Variants in RBFOX1 observed in about 807,000 individuals in gnomAD.
The protein encoded by RBFOX1 is RNA binding protein fox-1 homolog 1.
Under a neutral mutation model 57.7 loss-of-function variants are expected in RBFOX1, and 8 were observed. That is an observed-to-expected ratio of 0.14 (90% confidence interval 0.08 to 0.25). The LOEUF (loss-of-function observed/expected upper bound fraction) is 0.25, where lower values mean the gene tolerates loss of function less well. Ranked by LOEUF, RBFOX1 falls within the 10% of genes least tolerant of loss-of-function variation. The probability of loss-of-function intolerance (pLI) is 1.00; values close to 1 mark genes in which losing one functional copy is unlikely to be tolerated. For missense variants in RBFOX1, 611 were observed against 548.5 expected (o/e 1.11, Z -1.14); for synonymous variants, 326 against 222.4 (o/e 1.47, Z -4.15).
intron 2 of RBFOX1, among the ~76,000 whole-genome samples, chr16:5,517,905 A>G (rs974742170): frequency 4.6e-5 from 7 of 151,346 alleles, no homozygotes; most frequent in African/African-American, 1.5e-4. Context: ...ATATATGTGT[A>G]TATTTATAAA....
intron 4 of RBFOX1, among the ~76,000 whole-genome samples, chr16:7,453,891 G>C (rs557155824): frequency 6.6e-6 from 1 of 152,164 alleles, no homozygotes; most frequent in Non-Finnish European, 1.5e-5. Context: ...AGTTGTCCTC[G>C]CAAAGAAGGA....
At chr16:6,416,105 G>A (rs1468615415) in intron 2 of RBFOX1, among the ~76,000 whole-genome samples, 1 of 152,178 alleles carries the variant, frequency 6.6e-6, no homozygotes, top group Non-Finnish European at 1.5e-5. Context: ...TTATCGTCTT[G>A]TAAGGAGGAA....
intron 3 of RBFOX1, among the ~76,000 whole-genome samples, chr16:7,026,347 C>G (rs377203499): frequency 6.6e-6 from 1 of 152,266 alleles, no homozygotes; most frequent in East Asian, 1.9e-4. Flanking sequence ...ATCCATGATG[C>G]AAGGGTTTTG....
intron 2 of RBFOX1, among the ~76,000 whole-genome samples, chr16:6,597,876 G>C (rs1257485946): frequency 6.6e-6 from 1 of 152,100 alleles, no homozygotes; most frequent in African/African-American, 2.4e-5. Context: ...TGGCCATCTT[G>C]GCACCATGAA....
chr16:5,853,375 G>C (rs759229221), intron 3 of RBFOX1, among the ~76,000 whole-genome samples: 24 of 152,192 alleles, frequency 1.6e-4, no homozygotes, highest in Admixed American at 3.3e-4. Flanking sequence ...AAAGCTTTGT[G>C]AGCGTGTTGG....
chr16:7,196,301 C>A (rs945204017), intron 4 of RBFOX1, among the ~76,000 whole-genome samples: 7 of 152,158 alleles, frequency 4.6e-5, no homozygotes, highest in South Asian at 2.1e-4. Flanking sequence ...TTCACTCTCC[C>A]CTTTCATCCT....
chr16:6,030,179 A>T (rs1418234516), intron 1 of RBFOX1, among the ~76,000 whole-genome samples: 2 of 152,208 alleles, frequency 1.3e-5, no homozygotes, highest in African/African-American at 2.4e-5. Context: ...CTTCCCTTAC[A>T]AAGTGCTGGG....
intron 3 of RBFOX1, among the ~76,000 whole-genome samples, chr16:6,844,557 C>G (rs574626191): frequency 2.8e-4 from 42 of 151,902 alleles, no homozygotes; most frequent in African/African-American, 9.2e-4. Flanking sequence ...TGTATATGTA[C>G]GACTTTTTTT....
chr16:7,261,727 A>C (rs2094926971), intron 4 of RBFOX1, among the ~76,000 whole-genome samples: 2 of 152,206 alleles, frequency 1.3e-5, no homozygotes, highest in South Asian at 4.1e-4. Context: ...CATGATAATA[A>C]TAGTATCTAC....
intron 4 of RBFOX1, among the ~76,000 whole-genome samples, chr16:7,169,392 T>A (rs1401439632): frequency 6.6e-6 from 1 of 152,176 alleles, no homozygotes; most frequent in African/African-American, 2.4e-5. Context: ...GGCCAGGGGT[T>A]GGGGGATCCA....
chr16:7,515,714 A>G (rs1041823421), intron 4 of RBFOX1, among the ~76,000 whole-genome samples: 2 of 152,222 alleles, frequency 1.3e-5, no homozygotes, highest in African/African-American at 4.8e-5. Flanking sequence ...GTAAAGCTGG[A>G]TTCAACACTT....
rs573748834 is a variant in RBFOX1, at chr16:6,632,490, G to C, written c.-63-22113G>C. 1.4e-4 allele frequency among the ~76,000 whole-genome samples: 21 copies of C among 152,302 alleles called. No homozygotes were observed. In the East Asian group the frequency reaches 3.9e-3, roughly 28 times the overall value. On this transcript the variant is annotated intron_variant, in intron 2 of 15. Coordinates refer to ENST00000550418, the MANE Select transcript of RBFOX1 (RefSeq NM_018723.4). ...ACAGTATTTCCTTGGCTAAGTGTCT[G>C]TGGCTGTTATCCATGTGCAGAATAA...
At chr16:5,272,324 G>C (rs1446816318) in intron 1 of RBFOX1, among the ~76,000 whole-genome samples, 1 of 152,130 alleles carries the variant, frequency 6.6e-6, no homozygotes, top group Non-Finnish European at 1.5e-5. Flanking sequence ...TCACATAAAT[G>C]TGTACAATTA....
intron 4 of RBFOX1, among the ~76,000 whole-genome samples, chr16:5,891,603 G>C (rs984372614): frequency 6.6e-6 from 1 of 152,126 alleles, no homozygotes; most frequent in Admixed American, 6.5e-5. Flanking sequence ...GTTCCTTCTA[G>C]TCTACAGCTG....
chr16:5,422,475 AAGG>A lies in RBFOX1; in HGVS notation c.220-44734_220-44732del, dbSNP rs745968797. 8.6e-5 allele frequency among the ~76,000 whole-genome samples: 9 copies of A among 104,810 alleles called. No individual in the cohort carries two copies. The East Asian group carries it at 1.1e-3, about 12-fold the overall frequency. 68.8% of individuals were successfully genotyped at this position (104,810 alleles called of 152,430 possible). A position where few individuals can be genotyped will look rare whatever the true frequency, so the allele number is the denominator to read the frequency against. On this transcript the variant is annotated intron_variant, in intron 1 of 2. Coordinates refer to the RBFOX1 transcript ENST00000585867. ...ACATGAGGGAGAGGGAGGGGGAAGAAAGGAGGAGGGAGCGGGAGGAGGTGAGTA... is the reference window on the plus strand; with the variant it reads ...ACATGAGGGAGAGGGAGGGGGAAGAAAGGAGGGAGCGGGAGGAGGTGAGTA...
At chr16:6,779,282 C>T (rs930007310) in intron 3 of RBFOX1, among the ~76,000 whole-genome samples, 1 of 151,980 alleles carries the variant, frequency 6.6e-6, no homozygotes, top group African/African-American at 2.4e-5. Context: ...TCTTTCTGTG[C>T]CTGGCTTATT....
intron 4 of RBFOX1, among the ~76,000 whole-genome samples, chr16:7,112,749 C>T (rs907439827): frequency 6.6e-6 from 1 of 150,536 alleles, no homozygotes; most frequent in Admixed American, 6.7e-5. Flanking sequence ...GACCTTGATT[C>T]ACAAGACTCA....
intron 4 of RBFOX1, among the ~76,000 whole-genome samples, chr16:7,272,517 C>A (rs1256704035): frequency 6.6e-6 from 1 of 152,200 alleles, no homozygotes; most frequent in Non-Finnish European, 1.5e-5. Flanking sequence ...TATGTTGCTT[C>A]TTATTCTGCA....
chr16:5,388,129 C>T (rs759705877), intron 1 of RBFOX1, among the ~76,000 whole-genome samples: 8 of 152,180 alleles, frequency 5.3e-5, no homozygotes, highest in Non-Finnish European at 8.8e-5. Context: ...TTCTGACCTC[C>T]AGAAATGTAA....
Sources: gnomAD v4.1 joint callset for allele counts (sites outside exome capture counted in the v4.1 genomes callset) on GRCh38, gnomAD v4.1.1 for gene constraint, MANE v1.5 for transcripts, NCBI Gene and HGNC (gene_info 2026-07-23, HGNC 2026-07-21) for gene names.